The following GPATCH2L variants were observed in gnomAD, a reference collection of about 807,000 sequenced individuals.
The protein encoded by GPATCH2L is G-patch domain containing 2 like.
Under a neutral mutation model 57.4 loss-of-function variants are expected in GPATCH2L, and 31 were observed. The observed-to-expected ratio is 0.54, with a 90% CI of 0.41 to 0.73. The LOEUF is 0.73. Ranked by LOEUF, GPATCH2L falls within the 30% of genes least tolerant of loss-of-function variation. GPATCH2L has a pLI of 0.00. For missense variants in GPATCH2L, 481 were observed against 599.9 expected, an observed-to-expected ratio of 0.80 and a Z score of 2.07; for synonymous variants, 199 against 210.7, an observed-to-expected ratio of 0.94 and a Z score of 0.48.
chr14:76,160,963 C>T lies in GPATCH2L; in HGVS notation c.663-5700C>T, dbSNP rs1042060863. ...TCACAGTATCGAACCTGTCAACCTG[C>T]GGAGGTTGCTGCCTTTCATGGCACT... On this transcript the variant is annotated intron_variant, in intron 2 of 9. Transcript: ENST00000261530. Among the ~76,000 whole-genome samples, 11 of 152,242 alleles carry T rather than the reference C, an allele frequency of 7.2e-5. No homozygotes were observed. The East Asian group carries it at 1.3e-3, about 19-fold the overall frequency.
intron 2 of GPATCH2L, among the ~76,000 whole-genome samples, chr14:76,156,379 C>T (rs1241491591): frequency 1.3e-5 from 2 of 152,174 alleles, no homozygotes; most frequent in Non-Finnish European, 2.9e-5. Context: ...GGTTTTTAAT[C>T]CAGCTTTTAA....
intron 8 of GPATCH2L, among the ~76,000 whole-genome samples, chr14:76,182,118 G>A (rs2039581581): frequency 6.6e-6 from 1 of 152,136 alleles, no homozygotes; most frequent in South Asian, 2.1e-4. Flanking sequence ...AGCACTTTGG[G>A]AGGCCGAGGT....
chr14:76,211,050 A>T lies in GPATCH2L; in HGVS notation c.*9199A>T, dbSNP rs1366161569. 1 of 152,250 alleles carries T rather than the reference A, an allele frequency of 6.6e-6. No homozygotes were observed. The highest frequency in any genetic ancestry group is 1.9e-4 in the East Asian group (1 of 5,204). The allele number at this position is 152,250 out of a possible 1,614,324, so 9.4% of individuals were successfully genotyped here. ...ACTTTAACTCAAACTGGGCAGTGGA[A>T]GAAGTAAAAAAAAACATTGAAAGAA... On this transcript the variant is annotated 3_prime_UTR_variant, in exon 10 of 10. Transcript: ENST00000261530.
In GPATCH2L at chr14:76,231,287, T is replaced by C. The variant is rs540538592; in HGVS notation, c.*117+1334T>C. ...AAAGGGTTTGCCAGGCTGAAGCCCC[T>C]GTTATAGACTCACATCATCCGTCAT... On this transcript the variant is annotated intron_variant and NMD_transcript_variant, in intron 2 of 3. Coordinates refer to the GPATCH2L transcript ENST00000556372. Among the ~76,000 whole-genome samples, 10 of 152,302 alleles carry C rather than the reference T, an allele frequency of 6.6e-5. No individual in the cohort carries two copies. In the South Asian group the frequency reaches 1.9e-3, roughly 28 times the overall value.
rs2040337563 is a variant in GPATCH2L at position 76,203,207 on chromosome 14, C to T, written c.*1356C>T. 1 of 152,122 alleles carries T rather than the reference C, an allele frequency of 6.6e-6. No homozygotes were observed. Among genetic ancestry groups the T allele is most frequent in the Non-Finnish European group, 1.5e-5 (1 of 68,032 alleles). The allele number at this position is 152,122 out of a possible 1,614,324, so 9.4% of individuals were successfully genotyped here. A position where few individuals can be genotyped will look rare whatever the true frequency, so the allele number is the denominator to read the frequency against. The stretch of plus-strand genomic sequence containing the variant: ...TTGCTTTTAAAATTATAGTCCTTAT[C>T]AATGGAAACTCCAGATTTCTTTATC... On this transcript the variant is annotated 3_prime_UTR_variant, in exon 10 of 10. Coordinates refer to ENST00000261530, the MANE Select transcript of GPATCH2L (RefSeq NM_017926.4).
intron 8 of GPATCH2L, among the ~76,000 whole-genome samples, chr14:76,181,180 TCTCCCTACATGTA>T (rs1345772295): frequency 6.6e-6 from 1 of 152,218 alleles, no homozygotes; most frequent in Non-Finnish European, 1.5e-5. Flanking sequence ...TAATCTGACT[TCTCCCTACATGTA>T]CAGCCTCCTT....
chr14:76,219,475 G>C (rs1365584353), intron 1 of GPATCH2L, among the ~76,000 whole-genome samples: 1 of 152,138 alleles, frequency 6.6e-6, no homozygotes, highest in Non-Finnish European at 1.5e-5. Context: ...AGTATAAAGA[G>C]TTGGCAGTAT....
At chr14:76,226,251 A>G (rs941381356) in intron 1 of GPATCH2L, among the ~76,000 whole-genome samples, 2 of 152,264 alleles carry the variant, frequency 1.3e-5, no homozygotes, top group African/African-American at 2.4e-5. Context: ...TGTTATATTC[A>G]TAGAATAGAA....
intron 8 of GPATCH2L, among the ~76,000 whole-genome samples, chr14:76,181,226 G>A (rs1393242245): frequency 6.6e-6 from 1 of 152,196 alleles, no homozygotes; most frequent in East Asian, 1.9e-4. Flanking sequence ...CTCCCTCTGT[G>A]GGAGAGAGAT....
Position 76,175,391 on chromosome 14 carries a change from C to G in GPATCH2L, c.985-1232C>G, listed in dbSNP as rs982405586. The G allele has an allele frequency of 2.7e-5, 4 of 149,600 alleles. No individual in the cohort carries two copies. In the East Asian group the frequency reaches 8.0e-4, roughly 30 times the overall value. 9.3% of individuals were successfully genotyped at this position (149,600 alleles called of 1,614,324 possible). On this transcript the variant is annotated intron_variant, in intron 5 of 9. Coordinates refer to ENST00000261530, the MANE Select transcript of GPATCH2L (RefSeq NM_017926.4). Reference sequence around the variant, plus strand: ...GCCCCCCTTCTTCCCCCTCCCCCATCTCTCTTCTGCTTTTCTAAATTGTAA... The same window carrying G: ...GCCCCCCTTCTTCCCCCTCCCCCATGTCTCTTCTGCTTTTCTAAATTGTAA...
chr14:76,173,378 T>A (rs1418685091), intron 4 of GPATCH2L, among the ~76,000 whole-genome samples, 168 bp from the exon 5 acceptor site: 2 of 152,108 alleles, frequency 1.3e-5, no homozygotes, highest in African/African-American at 2.4e-5. Context: ...ATCATACTGC[T>A]AGTGACAAAG....
intron 6 of GPATCH2L, among the ~76,000 whole-genome samples, chr14:76,177,732 A>G (rs144522672): frequency 7.1e-6 from 1 of 141,766 alleles, no homozygotes; most frequent in Non-Finnish European, 1.5e-5. Context: ...AAACATTCAC[A>G]TACATTTAAT....
intron 7 of GPATCH2L, 61 bp downstream of exon 7, chr14:76,178,103 C>G: frequency 7.3e-7 from 1 of 1,369,802 alleles, no homozygotes; most frequent in Non-Finnish European, 1.0e-6. Context: ...TAAGAGTATC[C>G]AACACTTACT....
At position 76,206,865 on chromosome 14, in the gene GPATCH2L, A is replaced by G. The variant is rs1338610690; in HGVS notation, c.*5014A>G. The G allele has an allele frequency of 2.0e-5, 3 of 152,180 alleles. No homozygotes were observed. Among genetic ancestry groups the G allele is most frequent in the Non-Finnish European group, 2.9e-5 (2 of 68,032 alleles). The allele number at this position is 152,180 out of a possible 1,614,324, so 9.4% of individuals were successfully genotyped here. On this transcript the variant is annotated 3_prime_UTR_variant, in exon 10 of 10. Transcript: ENST00000261530. Reference sequence around the variant, plus strand: ...GTGCTCTCATATTCCCTCCATAAGTAAAGAGATTTTTTTTGTATAATTCTT... The same window carrying G: ...GTGCTCTCATATTCCCTCCATAAGTGAAGAGATTTTTTTTGTATAATTCTT...
chr14:76,196,096 G>C (rs943762672), intron 9 of GPATCH2L, 124 bp downstream of exon 9: 2 of 800,984 alleles, frequency 2.5e-6, no homozygotes, highest in Non-Finnish European at 4.3e-6. Context: ...CACTTTACAT[G>C]GGAAAACTGA....
At chr14:76,222,954 CAA>C (rs36032954) in intron 1 of GPATCH2L, among the ~76,000 whole-genome samples, 57 of 113,394 alleles carry the variant, frequency 5.0e-4, no homozygotes, top group Non-Finnish European at 4.0e-4. Context: ...AGACTGTGTT[CAA>C]AAAAAAAAAA....
intron 2 of GPATCH2L, among the ~76,000 whole-genome samples, chr14:76,164,246 A>G (rs2038728943): frequency 6.6e-6 from 1 of 152,042 alleles, no homozygotes; most frequent in African/African-American, 2.4e-5. Flanking sequence ...TTTGTTCATC[A>G]CCATAGATCA....
At chr14:76,173,763 A>G (rs928014131) in intron 5 of GPATCH2L, 138 bp downstream of exon 5, 1 of 644,180 alleles carries the variant, frequency 1.6e-6, no homozygotes, top group Non-Finnish European at 2.9e-6. Flanking sequence ...GGGAGTTTAC[A>G]AGAGTGAACA....
At chr14:76,167,858 T>C (rs2038915065) in intron 3 of GPATCH2L, among the ~76,000 whole-genome samples, 1 of 152,194 alleles carries the variant, frequency 6.6e-6, no homozygotes, top group Non-Finnish European at 1.5e-5. Context: ...GTTACCAATA[T>C]TTGCTCTTTT....
Sources: gnomAD v4.1 joint callset for allele counts (sites outside exome capture counted in the v4.1 genomes callset) on GRCh38, gnomAD v4.1.1 for gene constraint, MANE v1.5 for transcripts, NCBI Gene and HGNC (gene_info 2026-07-23, HGNC 2026-07-21) for gene names.